The following TSPEAR variants were observed in gnomAD, a reference collection of about 807,000 sequenced individuals.
TSPEAR encodes thrombospondin-type laminin G domain and EAR repeat-containing protein.
TSPEAR carries 69 observed loss-of-function variants against 71.6 expected under a neutral mutation model. The observed-to-expected ratio is 0.96, with a 90% CI of 0.79 to 1.18. The LOEUF (loss-of-function observed/expected upper bound fraction) is 1.18, where lower values mean the gene tolerates loss of function less well. Ranked by LOEUF, TSPEAR falls within the 50% of genes most tolerant of loss-of-function variation. The pLI is 0.00. For synonymous variants in TSPEAR, 402 were observed against 387.2 expected (o/e 1.04, Z -0.45); for missense variants, 971 against 894.9 (o/e 1.09, Z -1.09).
rs200334184 is a variant in TSPEAR, at chr21:44,539,736, G to C, written c.304-5813C>G. The C allele has an allele frequency of 1.4e-4, 225 of 1,612,598 alleles. 1 individual carries two copies. In the African/African-American group the frequency reaches 2.8e-3, roughly 20 times the overall value. On this transcript the variant is annotated intron_variant, in intron 2 of 11. Transcript: ENST00000323084. ...CAGCAAACAGGCACACAGCAGGACT[G>C]CTGGCTGGAGGAAGAGGCACAGCAA...
intron 9 of TSPEAR, among the ~76,000 whole-genome samples, chr21:44,515,160 A>G (rs1437323350): frequency 6.6e-6 from 1 of 152,244 alleles, no homozygotes; most frequent in East Asian, 1.9e-4. Flanking sequence ...CAAACAGTAA[A>G]CAAATTAAGA....
intron 2 of TSPEAR, chr21:44,551,080 G>A (rs782364830): frequency 6.4e-7 from 1 of 1,572,296 alleles, no homozygotes; most frequent in Non-Finnish European, 8.7e-7. Flanking sequence ...CAAGCTGGCT[G>A]GCAGCTAGAC....
chr21:44,672,366 T>A (rs11088957), intron 1 of TSPEAR, among the ~76,000 whole-genome samples: 1 of 151,948 alleles, frequency 6.6e-6, no homozygotes, highest in Non-Finnish European at 1.5e-5. Context: ...GTCAGGAGAT[T>A]GAGACCATCC....
intron 1 of TSPEAR, among the ~76,000 whole-genome samples, chr21:44,571,634 T>G (rs149923830): frequency 1.5e-3 from 223 of 152,240 alleles, no homozygotes; most frequent in Non-Finnish European, 2.1e-3. Flanking sequence ...GAGATGAACT[T>G]GGACCCAAAA....
intron 1 of TSPEAR, among the ~76,000 whole-genome samples, chr21:44,638,665 G>T (rs587606404): frequency 6.6e-6 from 1 of 151,820 alleles, no homozygotes; most frequent in East Asian, 1.9e-4. Context: ...AACCCTGAAG[G>T]CCAGTCTCCC....
At position 44,601,608 on chromosome 21, in the gene TSPEAR, C is replaced by T. The variant is rs376499762; in HGVS notation, c.83-33603G>A. 108 of 1,613,532 alleles carry T rather than the reference C, an allele frequency of 6.7e-5. 1 individual carries two copies. In the African/African-American group the frequency reaches 9.6e-4, roughly 14 times the overall value. On this transcript the variant is annotated intron_variant, in intron 1 of 11. Coordinates refer to ENST00000323084, the MANE Select transcript of TSPEAR (RefSeq NM_144991.3). The stretch of plus-strand genomic sequence containing the variant: ...GCTGCGTGCCCGTCCCCTCCTGCTG[C>T]GCCCCCACCTCCTCCTGCCAGGCCA...
chr21:44,659,261 G>A (rs1050142485), intron 1 of TSPEAR, among the ~76,000 whole-genome samples: 5 of 145,304 alleles, frequency 3.4e-5, no homozygotes, highest in African/African-American at 7.9e-5. Context: ...GAGCAAAAGC[G>A]CTGACCTCCC....
chr21:44,618,422 A>G (rs914729984), intron 1 of TSPEAR, among the ~76,000 whole-genome samples: 10 of 152,222 alleles, frequency 6.6e-5, no homozygotes, highest in African/African-American at 2.4e-4. Context: ...TAGCAGTGTG[A>G]AAAAGGACTA....
At chr21:44,708,079 G>C (rs1472051709) in intron 1 of TSPEAR, among the ~76,000 whole-genome samples, 1 of 151,674 alleles carries the variant, frequency 6.6e-6, no homozygotes, top group Non-Finnish European at 1.5e-5. Flanking sequence ...ATATGAGAGA[G>C]AGCGAGCGAG....
intron 2 of TSPEAR, chr21:44,558,212 G>A (rs2053570194): frequency 6.4e-7 from 1 of 1,566,366 alleles, no homozygotes. Context: ...CACAGCAGGT[G>A]GACCTGCACA....
chr21:44,622,449 T>C (rs1391128970), intron 1 of TSPEAR, among the ~76,000 whole-genome samples: 3 of 152,240 alleles, frequency 2.0e-5, no homozygotes, highest in African/African-American at 4.8e-5. Flanking sequence ...AGTGGAAATT[T>C]ATTATCTCGC....
At chr21:44,640,672 CATGCCA>C (rs1983975258) in intron 1 of TSPEAR, among the ~76,000 whole-genome samples, 1 of 152,186 alleles carries the variant, frequency 6.6e-6, no homozygotes, top group East Asian at 1.9e-4. Context: ...AAAATGGAGG[CATGCCA>C]TCCACAGACC....
At chr21:44,525,376 G>A (rs1264434405) in intron 8 of TSPEAR, among the ~76,000 whole-genome samples, 6 of 152,232 alleles carry the variant, frequency 3.9e-5, no homozygotes, top group Non-Finnish European at 7.3e-5. Context: ...TAGTCAGTCA[G>A]TCAGTTTCAG....
chr21:44,552,679 A>T (rs782140831), intron 2 of TSPEAR, among the ~76,000 whole-genome samples: 2 of 152,214 alleles, frequency 1.3e-5, no homozygotes, highest in Non-Finnish European at 2.9e-5. Flanking sequence ...GATCTGAGTC[A>T]CTGCCATTGT....
intron 2 of TSPEAR, among the ~76,000 whole-genome samples, chr21:44,552,709 C>T (rs146660912): frequency 0.011 from 1,682 of 152,296 alleles, 14 homozygotes; most frequent in Non-Finnish European, 0.017. Context: ...TGGCCATGTG[C>T]ACCGGCTGGA....
chr21:44,580,580 CTGGGG>C (rs1555924981), intron 1 of TSPEAR: 2 of 1,606,164 alleles, frequency 1.2e-6, no homozygotes, highest in Non-Finnish European at 1.7e-6. Context: ...CGCGGCCATG[CTGGGG>C]TGGGGAAGAC....
intron 2 of TSPEAR, among the ~76,000 whole-genome samples, chr21:44,544,771 A>G (rs1285451377): frequency 2.0e-5 from 3 of 152,180 alleles, no homozygotes; most frequent in Non-Finnish European, 4.4e-5. Flanking sequence ...GAGAATGGCC[A>G]GGAACGGAGG....
rs141244634 is a variant in TSPEAR at position 44,548,497 on chromosome 21, G to A, written c.304-14574C>T. ...GGGAAGGTCTTGGGGAAGTGATGGCGGAGGAAGCCCAGGACAGTGTGGGAC... is the reference window on the plus strand; with the variant it reads ...GGGAAGGTCTTGGGGAAGTGATGGCAGAGGAAGCCCAGGACAGTGTGGGAC... On this transcript the variant is annotated intron_variant, in intron 2 of 11. Coordinates refer to ENST00000323084, the MANE Select transcript of TSPEAR (RefSeq NM_144991.3). Among the ~76,000 whole-genome samples, 229 of 152,302 alleles carry A rather than the reference G, an allele frequency of 1.5e-3. 2 individuals are homozygous for A. The highest frequency in any genetic ancestry group is 0.01 in the Middle Eastern group (3 of 294).
At chr21:44,504,917 A>C in intron 10 of TSPEAR, 36 bp from the exon 11 acceptor site, 1 of 1,536,766 alleles carries the variant, frequency 6.5e-7, no homozygotes, top group Non-Finnish European at 9.0e-7. Flanking sequence ...AGGACACAAC[A>C]GACATCGCCA....
Sources: gnomAD v4.1 joint callset for allele counts (sites outside exome capture counted in the v4.1 genomes callset) on GRCh38, gnomAD v4.1.1 for gene constraint, MANE v1.5 for transcripts, NCBI Gene and HGNC (gene_info 2026-07-23, HGNC 2026-07-21) for gene names.